Variants in ZFHX3 observed in about 807,000 individuals in gnomAD.
ZFHX3 encodes the protein zinc finger homeobox protein 3.
ZFHX3 carries 42 observed loss-of-function variants against 279.1 expected under a neutral mutation model. That is an observed-to-expected ratio of 0.15 (90% confidence interval 0.12 to 0.19). The LOEUF (loss-of-function observed/expected upper bound fraction) is 0.19, where lower values mean the gene tolerates loss of function less well. Ranked by LOEUF, ZFHX3 falls within the 10% of genes least tolerant of loss-of-function variation. ZFHX3 has a pLI of 1.00. For synonymous variants in ZFHX3, 2,293 were observed against 1,957.8 expected (o/e 1.17, Z -4.52); for missense variants, 4,981 against 4,754.0 (o/e 1.05, Z -1.40).
At chr16:73,573,343 T>C (rs1201505645) in intron 2 of ZFHX3, among the ~76,000 whole-genome samples, 2 of 152,168 alleles carry the variant, frequency 1.3e-5, no homozygotes, top group African/African-American at 4.8e-5. Flanking sequence ...TTCTTGGTGA[T>C]GGTCAAATGT....
intron 3 of ZFHX3, among the ~76,000 whole-genome samples, chr16:72,945,891 G>A (rs537748229): frequency 2.3e-4 from 35 of 152,042 alleles, no homozygotes; most frequent in Non-Finnish European, 3.4e-4. Context: ...AAAATGTGTA[G>A]CTATCTTCCT....
chr16:73,519,042 T>C (rs1417103097), intron 2 of ZFHX3, among the ~76,000 whole-genome samples: 1 of 152,172 alleles, frequency 6.6e-6, no homozygotes, highest in Non-Finnish European at 1.5e-5. Context: ...GTCATTTAAG[T>C]AAGCAGATAG....
At chr16:73,262,774 G>T (rs922020248) in intron 4 of ZFHX3, among the ~76,000 whole-genome samples, 3 of 152,120 alleles carry the variant, frequency 2.0e-5, no homozygotes. Flanking sequence ...ATTGTAAGGG[G>T]TCTTTGAGTT....
chr16:73,580,599 CT>C (rs199832431), intron 2 of ZFHX3, among the ~76,000 whole-genome samples: 1,737 of 150,122 alleles, frequency 0.012, 66 homozygotes, highest in African/African-American at 0.04. Context: ...AGGATAAACG[CT>C]TTTTTTTTGG....
At chr16:73,762,443 G>A (rs1442270966) in intron 1 of ZFHX3, among the ~76,000 whole-genome samples, 3 of 152,126 alleles carry the variant, frequency 2.0e-5, no homozygotes, top group Non-Finnish European at 4.4e-5. Flanking sequence ...TCTAAAACCA[G>A]AAATACCCTT....
At chr16:73,882,665 T>C (rs1314147168) in intron 1 of ZFHX3, among the ~76,000 whole-genome samples, 3 of 152,022 alleles carry the variant, frequency 2.0e-5, no homozygotes, top group South Asian at 2.1e-4. Context: ...CTACTTTAAA[T>C]TACCCACATC....
chr16:73,505,766 C>A (rs1270787399), intron 2 of ZFHX3, among the ~76,000 whole-genome samples: 1 of 152,162 alleles, frequency 6.6e-6, no homozygotes, highest in Non-Finnish European at 1.5e-5. Flanking sequence ...GACTGTCCTG[C>A]CTGCCTTGAA....
intron 1 of ZFHX3, among the ~76,000 whole-genome samples, chr16:72,985,496 G>C (rs368133002): frequency 1.3e-5 from 2 of 152,202 alleles, no homozygotes; most frequent in South Asian, 4.1e-4. Flanking sequence ...CAGGGAGGGC[G>C]AGGCAGAGCT....
intron 1 of ZFHX3, among the ~76,000 whole-genome samples, chr16:73,847,673 T>A (rs1010014738): frequency 2.0e-5 from 3 of 152,096 alleles, no homozygotes; most frequent in Non-Finnish European, 4.4e-5. Context: ...TTAGGAAGAT[T>A]AAATTTGACA....
At chr16:73,560,490 C>T (rs1393821391) in intron 2 of ZFHX3, among the ~76,000 whole-genome samples, 1 of 152,194 alleles carries the variant, frequency 6.6e-6, no homozygotes, top group Non-Finnish European at 1.5e-5. Flanking sequence ...GGCCCTGTCG[C>T]TCTTCTCTTA....
rs1226759309 is a variant in ZFHX3 at position 73,676,474 on chromosome 16, CA to C, written c.-1547+3705del. ...AATAATGGTTTTGAGAAATTAGATC[CA>C]AAAAAATTGAATACCAACATATACT... On this transcript the variant is annotated intron_variant, in intron 2 of 17. Coordinates refer to the ZFHX3 transcript ENST00000641206. Among the ~76,000 whole-genome samples, 5 of 151,222 alleles carry C rather than the reference CA, an allele frequency of 3.3e-5. No individual in the cohort carries two copies. In the East Asian group the frequency reaches 9.7e-4, roughly 29 times the overall value.
chr16:73,632,556 C>T (rs181095318), intron 2 of ZFHX3, among the ~76,000 whole-genome samples: 67 of 151,870 alleles, frequency 4.4e-4, no homozygotes, highest in Middle Eastern at 3.4e-3. Context: ...CATGGTGGCG[C>T]GCACCTGTAG....
intron 3 of ZFHX3, among the ~76,000 whole-genome samples, chr16:73,345,338 C>T (rs2016103583): frequency 6.6e-6 from 1 of 152,026 alleles, no homozygotes; most frequent in African/African-American, 2.4e-5. Flanking sequence ...AACCCATCAC[C>T]TAGGTATTAA....
intron 2 of ZFHX3, among the ~76,000 whole-genome samples, chr16:73,466,157 G>T (rs1401362018): frequency 6.8e-6 from 1 of 147,306 alleles, no homozygotes; most frequent in African/African-American, 2.5e-5. Context: ...ATTCTGCACA[G>T]AAATCATTCT....
chr16:73,299,451 G>T (rs2015002081), intron 4 of ZFHX3, among the ~76,000 whole-genome samples: 1 of 152,142 alleles, frequency 6.6e-6, no homozygotes, highest in Non-Finnish European at 1.5e-5. Context: ...GCCCAACACT[G>T]GGGAAGCAGG....
intron 4 of ZFHX3, among the ~76,000 whole-genome samples, chr16:72,843,337 C>A (rs544555680): frequency 2.6e-4 from 39 of 151,764 alleles, no homozygotes; most frequent in African/African-American, 8.7e-4. Context: ...GGTGAAACCC[C>A]GTCTCTACTA....
intron 1 of ZFHX3, among the ~76,000 whole-genome samples, chr16:73,794,796 C>T (rs928496034): frequency 6.6e-6 from 1 of 152,176 alleles, no homozygotes; most frequent in Admixed American, 6.5e-5. Flanking sequence ...ATAGGGTTTA[C>T]ATATTACATA....
intron 1 of ZFHX3, among the ~76,000 whole-genome samples, chr16:72,983,059 G>A (rs1439769629): frequency 2.0e-5 from 3 of 152,018 alleles, no homozygotes; most frequent in Non-Finnish European, 1.5e-5. Flanking sequence ...GAAGGAAACC[G>A]GCTTCTTCCC....
intron 5 of ZFHX3, among the ~76,000 whole-genome samples, chr16:73,248,847 ACTGAGCAGG>A (rs1250339261): frequency 2.6e-5 from 4 of 152,104 alleles, no homozygotes; most frequent in African/African-American, 9.7e-5. Flanking sequence ...ATTCCAAAAG[ACTGAGCAGG>A]ATGGTATTTT....
Sources: gnomAD v4.1 joint callset for allele counts (sites outside exome capture counted in the v4.1 genomes callset) on GRCh38, gnomAD v4.1.1 for gene constraint, MANE v1.5 for transcripts, NCBI Gene and HGNC (gene_info 2026-07-23, HGNC 2026-07-21) for gene names.